PARVB: variants seen among roughly 807,000 people sequenced by gnomAD.
PARVB encodes parvin beta, also known as beta-parvin.
In PARVB, 46 loss-of-function variants were observed where a neutral mutation model predicts 47.0. That is an observed-to-expected ratio of 0.98 (90% CI 0.77 to 1.25). The LOEUF is 1.25. PARVB is among the 50% of genes most tolerant of loss of function. The pLI, the probability that PARVB is intolerant of heterozygous loss-of-function variation, is 0.00. For missense variants in PARVB, 473 were observed against 471.6 expected (o/e 1.00, Z -0.03); for synonymous variants, 196 against 196.3 (o/e 1.00, Z 0.01).
chr22:44,000,012 A>AAAAG (rs1292621721), intron 2 of PARVB, among the ~76,000 whole-genome samples: 1 of 152,006 alleles, frequency 6.6e-6, no homozygotes, highest in African/African-American at 2.4e-5. Flanking sequence ...GTCACAAAAA[A>AAAAG]AAAGAAAGAA....
chr22:44,168,247 T>G (rs1389840507), intron 12 of PARVB: 1 of 213,026 alleles, frequency 4.7e-6, no homozygotes, highest in East Asian at 1.2e-4. Context: ...TCGGGTCCAT[T>G]AAGTGTTACT....
At position 44,171,065 on chromosome 22, in the gene PARVB, G is replaced by T. The variant is rs2054263334; in HGVS notation, c.*2387G>T. ...AAGCCACACTGACAAAAAGCCTGGG[G>T]CTGGAACGTTCTGTGCTGCCTGCAT... On this transcript the variant is annotated 3_prime_UTR_variant, in exon 13 of 13. Transcript: ENST00000338758. 6.6e-6 allele frequency: 1 copy of T among 152,292 alleles called. No homozygotes were observed. Among genetic ancestry groups the T allele is most frequent in the Non-Finnish European group, 1.5e-5 (1 of 68,088 alleles). The allele number at this position is 152,292 out of a possible 1,614,324, so 9.4% of individuals were successfully genotyped here. A position where few individuals can be genotyped will look rare whatever the true frequency, so the allele number is the denominator to read the frequency against.
upstream of PARVB, among the ~76,000 whole-genome samples, chr22:44,022,485 C>T (rs1237300885): frequency 6.6e-6 from 1 of 152,154 alleles, no homozygotes; most frequent in African/African-American, 2.4e-5. Context: ...CCACAAACTC[C>T]TGGAGGACAA....
chr22:44,148,128 T>C (rs979690960), intron 9 of PARVB: 10 of 590,624 alleles, frequency 1.7e-5, no homozygotes, highest in Non-Finnish European at 3.1e-5. Flanking sequence ...TCCCTGGGTG[T>C]CTTCCTGCCC....
chr22:44,017,274 G>A (rs1019364439), intron 2 of PARVB, among the ~76,000 whole-genome samples: 3 of 152,216 alleles, frequency 2.0e-5, no homozygotes, highest in African/African-American at 7.2e-5. Context: ...TCTAGACAAA[G>A]AGGTGCAAGG....
intron 2 of PARVB, among the ~76,000 whole-genome samples, chr22:44,014,020 A>G (rs1323894462): frequency 6.6e-6 from 1 of 152,144 alleles, no homozygotes; most frequent in Non-Finnish European, 1.5e-5. Context: ...TTTAAGACCA[A>G]CCTGGGCAAC....
At chr22:44,041,099 A>C (rs901963985) in intron 1 of PARVB, among the ~76,000 whole-genome samples, 1 of 152,174 alleles carries the variant, frequency 6.6e-6, no homozygotes, top group Admixed American at 6.5e-5. Context: ...ATGCTGATGG[A>C]TTGCTGGATA....
At chr22:44,070,924 A>G (rs901000454) in intron 1 of PARVB, among the ~76,000 whole-genome samples, 1 of 152,182 alleles carries the variant, frequency 6.6e-6, no homozygotes, top group African/African-American at 2.4e-5. Flanking sequence ...TGCCAGGCTT[A>G]TTCGAAGTCA....
chr22:44,125,532 T>C lies in PARVB; in HGVS notation c.377-5955T>C, dbSNP rs371491791. On this transcript the variant is annotated intron_variant, in intron 4 of 12. Coordinates refer to ENST00000338758, the MANE Select transcript of PARVB (RefSeq NM_013327.5). This position sits in a 1 kb window ranked among gnomAD's most constrained non-coding sequence, Gnocchi z 4.1. ...TCTGGGGAGGCGACATCTGAGCACATGTCTGCACAGTGAGCTTGGGAAGGG... is the reference window on the plus strand; with the variant it reads ...TCTGGGGAGGCGACATCTGAGCACACGTCTGCACAGTGAGCTTGGGAAGGG... 3.9e-5 allele frequency among the ~76,000 whole-genome samples: 6 copies of C among 152,260 alleles called. No individual in the cohort carries two copies. Among genetic ancestry groups the C allele is most frequent in the South Asian group, 2.1e-4 (1 of 4,830 alleles).
At chr22:44,026,211 T>A (rs1451250077) in intron 1 of PARVB, 17 of 580,552 alleles carry the variant, frequency 2.9e-5, no homozygotes, top group Non-Finnish European at 3.7e-5. Context: ...TTCTCCTCCT[T>A]GCCTGTATGA....
At chr22:44,108,652 C>T (rs979728314) in intron 3 of PARVB, 1 of 152,022 alleles carries the variant, frequency 6.6e-6, no homozygotes, top group Non-Finnish European at 1.5e-5. Flanking sequence ...GGGGGTTGTT[C>T]TCTGGTGGGC....
chr22:44,011,656 A>G (rs561344692), intron 2 of PARVB, among the ~76,000 whole-genome samples: 1 of 152,150 alleles, frequency 6.6e-6, no homozygotes, highest in South Asian at 2.1e-4. Context: ...AATTTAAAAA[A>G]TTGAGTCCTT....
intron 2 of PARVB, among the ~76,000 whole-genome samples, chr22:44,098,101 T>G (rs2052351977): frequency 6.6e-6 from 1 of 152,096 alleles, no homozygotes; most frequent in African/African-American, 2.4e-5. Context: ...GAGCAAGGTG[T>G]GGGGACATGC....
upstream of PARVB, among the ~76,000 whole-genome samples, chr22:44,021,756 G>GACACACACAC (rs1315040117): frequency 1.2e-4 from 13 of 105,092 alleles, no homozygotes; most frequent in African/African-American, 3.0e-4. Flanking sequence ...GTAAAGTCTA[G>GACACACACAC]ACTCACACAC....
intron 2 of PARVB, among the ~76,000 whole-genome samples, chr22:44,003,782 C>T (rs367874109): frequency 1.3e-5 from 2 of 152,180 alleles, no homozygotes; most frequent in South Asian, 2.1e-4. Flanking sequence ...GGGCCAGGTG[C>T]AGGGTGTTGT....
At chr22:44,117,740 G>T (rs532689481) in intron 3 of PARVB, among the ~76,000 whole-genome samples, 1 of 152,334 alleles carries the variant, frequency 6.6e-6, no homozygotes, top group Admixed American at 6.5e-5. Context: ...AGTGACAGGG[G>T]ACGGTATATT....
intron 2 of PARVB, among the ~76,000 whole-genome samples, chr22:44,009,097 G>T (rs933119108): frequency 6.6e-6 from 1 of 152,178 alleles, no homozygotes; most frequent in African/African-American, 2.4e-5. Flanking sequence ...CCCTTTTACT[G>T]ATTTCCTTGC....
intron 1 of PARVB, among the ~76,000 whole-genome samples, chr22:44,038,779 C>T (rs1305428387): frequency 6.6e-6 from 1 of 151,958 alleles, no homozygotes; most frequent in African/African-American, 2.4e-5. Flanking sequence ...GAGACTCCAT[C>T]TCAAAAACCA....
intron 1 of PARVB, among the ~76,000 whole-genome samples, chr22:44,050,166 T>C (rs1426884936): frequency 6.6e-6 from 1 of 152,180 alleles, no homozygotes; most frequent in Non-Finnish European, 1.5e-5. Context: ...CCACTGCCTT[T>C]ACACTTCTTC....
Sources: allele counts gnomAD v4.1 joint callset (sites outside exome capture counted in the v4.1 genomes callset), GRCh38; gene constraint gnomAD v4.1.1; non-coding constraint Gnocchi (gnomAD v3.1); transcripts MANE v1.5; gene names NCBI Gene and HGNC (gene_info 2026-07-23, HGNC 2026-07-21).